ZNF552: variants seen among roughly 807,000 people sequenced by gnomAD.
ZNF552 encodes zinc finger protein 552.
A neutral mutation model predicts 7.2 loss-of-function variants in ZNF552; 2 were observed. The ratio of observed to expected loss-of-function variants is 0.28; its 90% CI spans 0.11 to 0.88. The LOEUF is 0.88. Ranked by LOEUF, ZNF552 falls within the 40% of genes least tolerant of loss-of-function variation. The pLI, the probability that ZNF552 is intolerant of heterozygous loss-of-function variation, is 0.60. For missense variants in ZNF552, 421 were observed against 493.4 expected, an observed-to-expected ratio of 0.85 and a Z score of 1.39; for synonymous variants, 173 against 176.5, an observed-to-expected ratio of 0.98 and a Z score of 0.16.
Position 57,814,706 on chromosome 19 carries a change from A to G in ZNF552, c.33+5T>C. 3 of 1,614,010 alleles carry G rather than the reference A, an allele frequency of 1.9e-6. No individual in the cohort carries two copies. Among genetic ancestry groups the G allele is most frequent in the East Asian group, 2.2e-5 (1 of 44,870 alleles). ...ACCGGAGAGCACGGAAGGCGCCACA[A>G]TTACCTGAACGGGGAACCTTAGCGC... On this transcript the variant is annotated splice_donor_5th_base_variant and intron_variant, in intron 1 of 2. Coordinates refer to ENST00000391701, the MANE Select transcript of ZNF552 (RefSeq NM_024762.3).
Position 57,808,882 on chromosome 19 carries a change from A to C in ZNF552, c.382T>G (p.Leu128Val). The C allele has an allele frequency of 1.2e-6, 2 of 1,613,222 alleles. No individual in the cohort carries two copies. Among genetic ancestry groups the C allele is most frequent in the Admixed American group, 1.7e-5 (1 of 59,880 alleles). ...LHRCEAWGNK[L>V]YDSGNFHQHQ... ...TGATGAAAGTTTCCACTGTCATACA[A>C]TTTATTCCCCCAGGCCTCACACCTG... Residue 128 changes from leucine (L) to valine (V), a missense_variant, in exon 3 of 3, where the codon TTG becomes GTG. Transcript: ENST00000391701.
At chr19:57,809,611 G>A (rs1987816321) in intron 2 of ZNF552, among the ~76,000 whole-genome samples, 1 of 150,968 alleles carries the variant, frequency 6.6e-6, no homozygotes, top group Admixed American at 6.6e-5. Flanking sequence ...ATAAATATCA[G>A]ACTACAAGCT....
intron 1 of ZNF552, chr19:57,814,470 C>T (rs1210680583): frequency 1.3e-6 from 2 of 1,522,968 alleles, no homozygotes. Context: ...CGCCTGTGGA[C>T]CCCAGGTTCC....
At chr19:57,811,161 C>A (rs1373757317) in intron 2 of ZNF552, among the ~76,000 whole-genome samples, 1 of 141,466 alleles carries the variant, frequency 7.1e-6, no homozygotes, top group Non-Finnish European at 1.6e-5. Context: ...GCCCACTTTT[C>A]TTTTTTTTTT....
At chr19:57,810,095 G>A (rs1173557614) in intron 2 of ZNF552, among the ~76,000 whole-genome samples, 1 of 151,982 alleles carries the variant, frequency 6.6e-6, no homozygotes, top group Non-Finnish European at 1.5e-5. Flanking sequence ...AAATGACAGT[G>A]TGAGAACCTG....
chr19:57,813,161 T>C, intron 2 of ZNF552, 133 bp downstream of exon 2: 2 of 1,467,194 alleles, frequency 1.4e-6, no homozygotes, highest in South Asian at 2.7e-5. Context: ...TATGCATACC[T>C]CAGTCCTACC....
intron 2 of ZNF552, among the ~76,000 whole-genome samples, chr19:57,809,817 A>G (rs1180809399): frequency 6.6e-6 from 1 of 152,148 alleles, no homozygotes; most frequent in South Asian, 2.1e-4. Context: ...CCCTGTCTCT[A>G]CAGAAATTAT....
chr19:57,807,976 G>A lies in ZNF552; in HGVS notation c.*64C>T. The stretch of plus-strand genomic sequence containing the variant: ...TGGGTAAACATTTTCCACATTTGCT[G>A]CAATCACAGGATCTTACTCAGGTGT... On this transcript the variant is annotated 3_prime_UTR_variant, in exon 3 of 3. Transcript: ENST00000391701. 2 of 1,504,730 alleles carry A rather than the reference G, an allele frequency of 1.3e-6. No homozygotes were observed. The highest frequency in any genetic ancestry group is 1.8e-6 in the Non-Finnish European group (2 of 1,119,232). The allele number at this position is 1,504,730 out of a possible 1,614,324, so 93.2% of individuals were successfully genotyped here.
At chr19:57,809,941 A>G (rs1303688776) in intron 2 of ZNF552, among the ~76,000 whole-genome samples, 1 of 152,090 alleles carries the variant, frequency 6.6e-6, no homozygotes, top group Non-Finnish European at 1.5e-5. Flanking sequence ...CAACACAGCA[A>G]AACCTCTCTA....
In ZNF552 at chr19:57,808,100, T is replaced by C; in HGVS notation, c.1164A>G (p.Lys388=). The C allele has an allele frequency of 6.2e-7, 1 of 1,613,352 alleles. No individual in the cohort carries two copies. ...KPYGCSECEK[K]FRQISSLRHH... is the part of the protein sequence containing the mutation. ...GACGAAGTGAAGAGATTTGCCTAAA[T>C]TTTTTTTCACATTCACTGCACCCGT... The change falls in exon 3 of 3, where the codon AAA becomes AAG. Residue 388 remains lysine (K), a synonymous_variant. Transcript: ENST00000391701.
rs1267867206 is a variant in ZNF552, at chr19:57,807,090, G to C, written c.*950C>G. On this transcript the variant is annotated 3_prime_UTR_variant, in exon 3 of 3. Coordinates refer to ENST00000391701, the MANE Select transcript of ZNF552 (RefSeq NM_024762.3). ...AGGAGAGCACCCAGGGATTATAAGA[G>C]GAAACACTTTATTACATCAGTCAGA... 2.6e-5 allele frequency: 4 copies of C among 152,080 alleles called. No homozygotes were observed. The highest frequency in any genetic ancestry group is 9.7e-5 in the African/African-American group (4 of 41,398). The allele number at this position is 152,080 out of a possible 1,614,324, so 9.4% of individuals were successfully genotyped here. A position where few individuals can be genotyped will look rare whatever the true frequency, so the allele number is the denominator to read the frequency against.
intron 2 of ZNF552, among the ~76,000 whole-genome samples, chr19:57,811,137 C>T (rs1001807437): frequency 2.0e-5 from 3 of 151,176 alleles, no homozygotes; most frequent in Admixed American, 6.6e-5. Flanking sequence ...GTATGCTGAG[C>T]GCCAGTCCCC....
At position 57,814,785 on chromosome 19, in the gene ZNF552, G is replaced by A; in HGVS notation, c.-42C>T. 2.0e-6 allele frequency: 3 copies of A among 1,522,882 alleles called. No individual in the cohort carries two copies. The highest frequency in any genetic ancestry group is 1.4e-5 in the African/African-American group (1 of 72,052). 94.3% of individuals were successfully genotyped at this position (1,522,882 alleles called of 1,614,324 possible). A position where few individuals can be genotyped will look rare whatever the true frequency, so the allele number is the denominator to read the frequency against. On this transcript the variant is annotated 5_prime_UTR_variant, in exon 1 of 3. In the 5' UTR this introduces an upstream ATG that the reference lacks. Transcript: ENST00000391701. ...AGCTGGGTTGAGAGCAGCGGGCGCC[G>A]TTAAAGAGCTGCAGAGTCACGTCTG...
At chr19:57,809,212 G>A (rs763591954) in intron 2 of ZNF552, 109 bp from the exon 3 acceptor site, 11 of 1,604,756 alleles carry the variant, frequency 6.9e-6, no homozygotes, top group Non-Finnish European at 9.4e-6. Context: ...GAAGTACTTG[G>A]AGGAACAGGA....
chr19:57,808,542 A>G lies in ZNF552; in HGVS notation c.722T>C (p.Val241Ala), dbSNP rs1204372631. 1 of 1,614,134 alleles carries G rather than the reference A, an allele frequency of 6.2e-7. No homozygotes were observed. The highest frequency in any genetic ancestry group is 2.2e-5 in the East Asian group (1 of 44,886). ...ERLLPTEEPS[V>A]WCECGKSSSK... ...AGAGGATTTCCCACATTCACACCAC[A>G]CAGAAGGTTCTTCTGTAGGGAGCAG... is the stretch of plus-strand genomic sequence containing the variant. Residue 241 changes from valine (V) to alanine (A), a missense_variant, in exon 3 of 3, where the codon GTG (valine) becomes GCG (alanine). Transcript: ENST00000391701.
rs184085318 is a variant in ZNF552 at position 57,809,773 on chromosome 19, G to C, written c.161-670C>G. Reference sequence around the variant, plus strand: ...AATGTAGGAAGATCACCTGAGCCCAGAAATCCAAGACCAGCCTGGGAAACA... The same window carrying C: ...AATGTAGGAAGATCACCTGAGCCCACAAATCCAAGACCAGCCTGGGAAACA... On this transcript the variant is annotated intron_variant, in intron 2 of 2. Transcript: ENST00000391701. Among the ~76,000 whole-genome samples, 305 of 152,248 alleles carry C rather than the reference G, an allele frequency of 2.0e-3. 2 individuals carry two copies. Among genetic ancestry groups the C allele is most frequent in the African/African-American group, 7.2e-3 (300 of 41,528 alleles).
At chr19:57,813,086 C>T (rs1987886885) in intron 2 of ZNF552, 1 of 748,314 alleles carries the variant, frequency 1.3e-6, no homozygotes. Context: ...AGACTTCTGA[C>T]TCTGAATTCT....
rs1461136722 is a variant in ZNF552, at chr19:57,807,609, AT to A, written c.*430del. On this transcript the variant is annotated 3_prime_UTR_variant, in exon 3 of 3. Transcript: ENST00000391701. ...CCTACAGCTCAAATATGCATACTTTATTGGATGTCATTTATATATTTTATTT... is the reference window on the plus strand; with the variant it reads ...CCTACAGCTCAAATATGCATACTTTATGGATGTCATTTATATATTTTATTT... 6.3e-6 allele frequency: 1 copy of A among 159,368 alleles called. No homozygotes were observed. The highest frequency in any genetic ancestry group is 1.4e-5 in the Non-Finnish European group (1 of 72,546). 9.9% of individuals were successfully genotyped at this position (159,368 alleles called of 1,614,324 possible). A position where few individuals can be genotyped will look rare whatever the true frequency, so the allele number is the denominator to read the frequency against.
At chr19:57,810,198 C>T (rs534915197) in intron 2 of ZNF552, among the ~76,000 whole-genome samples, 21 of 148,306 alleles carry the variant, frequency 1.4e-4, no homozygotes, top group African/African-American at 4.5e-4. Flanking sequence ...GGCCAGGTGT[C>T]GTGGGTCATG....
Sources: allele counts gnomAD v4.1 joint callset (sites outside exome capture counted in the v4.1 genomes callset), GRCh38; gene constraint gnomAD v4.1.1; transcripts MANE v1.5; gene names NCBI Gene and HGNC (gene_info 2026-07-23, HGNC 2026-07-21).